PUS3: variants seen among roughly 807,000 people sequenced by gnomAD.
The protein encoded by PUS3 is tRNA pseudouridine(38/39) synthase.
Under a neutral mutation model 43.3 loss-of-function variants are expected in PUS3, and 36 were observed. That is an observed-to-expected ratio of 0.83 (90% CI 0.64 to 1.10). The LOEUF is 1.10. Among genes scored for constraint, PUS3 ranks in the 50% least tolerant of loss-of-function variants. The pLI is 0.00. For synonymous variants in PUS3, 183 were observed against 199.2 expected, an observed-to-expected ratio of 0.92 and a Z score of 0.69; for missense variants, 544 against 589.9, an observed-to-expected ratio of 0.92 and a Z score of 0.81.
intron 1 of PUS3, among the ~76,000 whole-genome samples, chr11:125,896,711 A>G (rs948609916): frequency 6.6e-6 from 1 of 152,182 alleles, no homozygotes; most frequent in Non-Finnish European, 1.5e-5. Context: ...TGCTAGTCAT[A>G]AGATTTCTTT....
chr11:125,900,931 A>AC (rs1944753449), intron 1 of PUS3: 1 of 148,812 alleles, frequency 6.7e-6, no homozygotes, highest in South Asian at 2.1e-4. Context: ...AATGGCGTGA[A>AC]CCCCAGGGGG....
At chr11:125,900,089 G>A (rs780266900) in intron 1 of PUS3, 12 of 1,614,038 alleles carry the variant, frequency 7.4e-6, no homozygotes, top group African/African-American at 1.3e-5. Flanking sequence ...ACGCTGGGGT[G>A]TCCGAGAGCA....
Position 125,895,630 on chromosome 11 carries a change from C to A in PUS3, c.538G>T (p.Val180Leu), listed in dbSNP as rs1246758458. 1 of 1,614,222 alleles carries A rather than the reference C, an allele frequency of 6.2e-7. No homozygotes were observed. The highest frequency in any genetic ancestry group is 2.2e-5 in the East Asian group (1 of 44,886). Residue 180 changes from valine (V) to leucine (L), a missense_variant, in exon 3 of 4, where the codon GTA becomes TTA. Val to Leu is a conservative substitution (Grantham distance 32). Coordinates refer to ENST00000227474, the MANE Select transcript of PUS3 (RefSeq NM_031307.4). The part of the protein sequence containing the change: ...PDIRILAWAP[V>L]EPSFSARFSC... ...AACCTAGCACTGAAGCTTGGTTCTA[C>A]AGGGGCCCAGGCCAATATACGGATG...
intron 1 of PUS3, among the ~76,000 whole-genome samples, chr11:125,897,908 T>C (rs1159328247): frequency 6.6e-6 from 1 of 152,228 alleles, no homozygotes; most frequent in Non-Finnish European, 1.5e-5. Context: ...GATACTCGTG[T>C]TAGCATCAGT....
At chr11:125,898,367 T>C (rs1261269479) in intron 1 of PUS3, among the ~76,000 whole-genome samples, 1 of 152,144 alleles carries the variant, frequency 6.6e-6, no homozygotes, top group Non-Finnish European at 1.5e-5. Context: ...TAAACAGATT[T>C]AGCTGGCAAC....
At chr11:125,898,257 A>G (rs1944649358) in intron 1 of PUS3, among the ~76,000 whole-genome samples, 1 of 152,190 alleles carries the variant, frequency 6.6e-6, no homozygotes, top group Admixed American at 6.5e-5. Context: ...GGGACACAGG[A>G]AATAGTGGAC....
In PUS3 at chr11:125,893,872, A is replaced by G; in HGVS notation, c.1359T>C (p.Cys453=). The change falls in exon 4 of 4, where the codon TGT becomes TGC. Residue 453 remains cysteine, a synonymous_variant. Coordinates refer to ENST00000227474, the MANE Select transcript of PUS3 (RefSeq NM_031307.4). ...TATTCTCTTCCTCTAGTGTGTCATT[A>G]CAGTCCCTTTTGGCTTTTGTTTCTT... ...HEEETKAKRD[C]NDTLEEENTN... 1.9e-6 allele frequency: 3 copies of G among 1,614,114 alleles called. No homozygotes were observed.
intron 1 of PUS3, among the ~76,000 whole-genome samples, chr11:125,902,337 G>C (rs1944797664): frequency 7.7e-6 from 1 of 130,096 alleles, no homozygotes; most frequent in African/African-American, 2.8e-5. Context: ...GCTCACGCCT[G>C]TCATCCCAAC....
rs1286727765 is a variant in PUS3, at chr11:125,894,132, G to A, written c.1099C>T (p.Gln367Ter). 1 of 1,614,070 alleles carries A rather than the reference G, an allele frequency of 6.2e-7. No individual in the cohort carries two copies. Among genetic ancestry groups the A allele is most frequent in the Admixed American group, 1.7e-5 (1 of 60,014 alleles). ...VKTHMLYSMLQGLDTVPVPCG... is the reference protein window; with the variant it reads ...VKTHMLYSML The stretch of plus-strand genomic sequence containing the variant: ...GGTACTGGAACAGTGTCCAGTCCTT[G>A]TAGCATACTATACAACATGTGAGTT... Residue 367 changes from glutamine to a stop codon, truncating the protein, a stop_gained, in exon 4 of 4, where the codon CAA becomes TAA. Coordinates refer to ENST00000227474, the MANE Select transcript of PUS3 (RefSeq NM_031307.4). LOFTEE classifies it high-confidence loss of function.
At chr11:125,894,714 T>C (rs1055308881) in intron 3 of PUS3, among the ~76,000 whole-genome samples, 15 of 152,200 alleles carry the variant, frequency 9.9e-5, no homozygotes, top group Non-Finnish European at 1.2e-4. Flanking sequence ...TAGGAAAAAT[T>C]CAGAAGTACA....
rs104894232 is a variant in PUS3 at position 125,900,000 on chromosome 11, A to G, written c.-47+3170T>C. ...TTAAGCCGAAACCGGGGCAAGACAG[A>G]CCGGGTAGCCCGGTATTTTGAGTAC... On this transcript the variant is annotated intron_variant, in intron 1 of 3. Transcript: ENST00000227474. 6.2e-4 allele frequency: 1,003 copies of G among 1,614,240 alleles called. No individual in the cohort carries two copies. The highest frequency in any genetic ancestry group is 3.2e-4 in the Non-Finnish European group (377 of 1,180,048).
chr11:125,895,997 A>C lies in PUS3; in HGVS notation c.288T>G (p.Ala96=), dbSNP rs1190421221. The C allele has an allele frequency of 6.2e-7, 1 of 1,614,174 alleles. No individual in the cohort carries two copies. The highest frequency in any genetic ancestry group is 1.1e-5 in the South Asian group (1 of 91,084). ...NNTIEEKLFE[A]LTKTRLVESR... ...TTTCTACTAGTCGAGTCTTGGTTAGAGCTTCAAACAGTTTCTCTTCAATGG... is the reference window on the plus strand; with the variant it reads ...TTTCTACTAGTCGAGTCTTGGTTAGCGCTTCAAACAGTTTCTCTTCAATGG... The change falls in exon 2 of 4, where the codon GCT becomes GCG. Residue 96 remains alanine (A), a synonymous_variant. Transcript: ENST00000227474.
rs143088549 is a variant in PUS3, at chr11:125,899,423, C to T, written c.-46-3093G>A. On this transcript the variant is annotated intron_variant, in intron 1 of 3. Transcript: ENST00000227474. The stretch of plus-strand genomic sequence containing the variant: ...ATGGGCTAATATGGATCCAGAAGAA[C>T]GAATGTTGGCAGCTGCTACAGCTTT... 6.8e-5 allele frequency: 110 copies of T among 1,614,064 alleles called. No homozygotes were observed. Among genetic ancestry groups the T allele is most frequent in the Non-Finnish European group, 8.1e-5 (96 of 1,180,030 alleles).
chr11:125,893,516 A>T lies in PUS3; in HGVS notation c.*269T>A, dbSNP rs1362463918. 3 of 295,970 alleles carry T rather than the reference A, an allele frequency of 1.0e-5. No individual in the cohort carries two copies. Among genetic ancestry groups the T allele is most frequent in the Non-Finnish European group, 1.9e-5 (3 of 161,802 alleles). The allele number at this position is 295,970 out of a possible 1,614,324, so 18.3% of individuals were successfully genotyped here. On this transcript the variant is annotated 3_prime_UTR_variant, in exon 4 of 4. Transcript: ENST00000227474. ...CAGGATTAGGCTTTAATGAATTTGA[A>T]TACAAGGCACAGGTTTCCAGGTGTA...
At chr11:125,898,801 TA>T (rs1488444208) in intron 1 of PUS3, among the ~76,000 whole-genome samples, 6 of 152,270 alleles carry the variant, frequency 3.9e-5, no homozygotes, top group African/African-American at 1.4e-4. Context: ...CTTTTATGGT[TA>T]AAAGCAGGGA....
At chr11:125,901,439 C>T (rs1410636608) in intron 1 of PUS3, among the ~76,000 whole-genome samples, 2 of 152,176 alleles carry the variant, frequency 1.3e-5, no homozygotes, top group Non-Finnish European at 2.9e-5. Context: ...TGTAATTTAT[C>T]TGTTCTTGAT....
At position 125,895,594 on chromosome 11, in the gene PUS3, C is replaced by T; in HGVS notation, c.574G>A (p.Glu192Lys). The T allele has an allele frequency of 6.2e-7, 1 of 1,614,232 alleles. No homozygotes were observed. Among genetic ancestry groups the T allele is most frequent in the South Asian group, 1.1e-5 (1 of 91,084 alleles). Residue 192 changes from glutamate to lysine, a missense_variant, in exon 3 of 4, where the codon GAG (glutamate) becomes AAG (lysine). By Grantham distance (56) the Glu-to-Lys change is moderately conservative. Coordinates refer to ENST00000227474, the MANE Select transcript of PUS3 (RefSeq NM_031307.4). ...GGGAAAAAATAGCGGTAAGTCCGCT[C>T]AAGGCAGCTGAACCTAGCACTGAAG... is the stretch of plus-strand genomic sequence containing the variant. ...PSFSARFSCL[E>K]RTYRYFFPRA...
Position 125,895,629 on chromosome 11 carries a change from A to G in PUS3, c.539T>C (p.Val180Ala), listed in dbSNP as rs754822744. 1.1e-5 allele frequency: 17 copies of G among 1,614,146 alleles called. No individual in the cohort carries two copies. The highest frequency in any genetic ancestry group is 2.2e-5 in the East Asian group (1 of 44,898). ...GAACCTAGCACTGAAGCTTGGTTCT[A>G]CAGGGGCCCAGGCCAATATACGGAT... is the stretch of plus-strand genomic sequence containing the variant. ...PDIRILAWAPVEPSFSARFSC... is the reference protein window; with the variant it reads ...PDIRILAWAPAEPSFSARFSC... Residue 180 changes from valine (V) to alanine (A), a missense_variant, in exon 3 of 4, where the codon GTA (valine) becomes GCA (alanine). Transcript: ENST00000227474.
In PUS3 at chr11:125,893,671, TC is replaced by T. The variant is rs141738016; in HGVS notation, c.*113del. ...GCTTTAGTCTTTTTGCTTTTTTTTT[TC>T]TTTTAAGAGCTGATCATCTGAATTC... On this transcript the variant is annotated 3_prime_UTR_variant, in exon 4 of 4. Transcript: ENST00000227474. 0.54 allele frequency: 315,989 copies of T among 590,104 alleles called. 57,713 individuals carry two copies. Among genetic ancestry groups the T allele is most frequent in the Admixed American group, 0.6 (16,579 of 27,574 alleles). 36.6% of individuals were successfully genotyped at this position (590,104 alleles called of 1,614,324 possible). A position where few individuals can be genotyped will look rare whatever the true frequency, so the allele number is the denominator to read the frequency against.
Sources: allele counts gnomAD v4.1 joint callset (sites outside exome capture counted in the v4.1 genomes callset), GRCh38; gene constraint gnomAD v4.1.1; transcripts MANE v1.5; gene names NCBI Gene and HGNC (gene_info 2026-07-23, HGNC 2026-07-21).